Variants in ARID1B observed in about 807,000 individuals in gnomAD.
ARID1B encodes AT-rich interaction domain 1B.
In ARID1B, 30 loss-of-function variants were observed where a neutral mutation model predicts 212.3. The ratio of observed to expected loss-of-function variants is 0.14; its 90% confidence interval spans 0.11 to 0.19. The LOEUF is 0.19. Ranked by LOEUF, ARID1B falls within the 10% of genes least tolerant of loss-of-function variation. ARID1B has a pLI of 1.00. For missense variants in ARID1B, 2,891 were observed against 3,204.0 expected, an observed-to-expected ratio of 0.90 and a Z score of 2.36; for synonymous variants, 1,402 against 1,301.7, an observed-to-expected ratio of 1.08 and a Z score of -1.66.
At chr6:156,979,216 A>G (rs1777456837) in intron 4 of ARID1B, among the ~76,000 whole-genome samples, 1 of 152,202 alleles carries the variant, frequency 6.6e-6, no homozygotes, top group Non-Finnish European at 1.5e-5. Context: ...TGCAAAGAAT[A>G]TATATATTGT....
At chr6:157,199,220 T>C (rs1218262534) in intron 17 of ARID1B, among the ~76,000 whole-genome samples, 1 of 152,246 alleles carries the variant, frequency 6.6e-6, no homozygotes, top group Non-Finnish European at 1.5e-5. Context: ...CTATTGTGCA[T>C]ACTGTTGTAT....
chr6:157,156,679 C>T (rs564469238), intron 8 of ARID1B, among the ~76,000 whole-genome samples: 1 of 152,304 alleles, frequency 6.6e-6, no homozygotes, highest in East Asian at 1.9e-4. Flanking sequence ...CCGCTGTACA[C>T]CCTCACCCAG....
At position 157,193,782 on chromosome 6, in the gene ARID1B, C is replaced by G. The variant is rs374778461; in HGVS notation, c.4232-2383C>G. On this transcript the variant is annotated intron_variant, in intron 15 of 19. Transcript: ENST00000636930. ...TGCTTGCATCTCACTTGCTGGAGCC[C>G]TCTTAGGCAATGCTAATCACATGAC... 8.5e-5 allele frequency: 13 copies of G among 152,324 alleles called. 2 individuals carry two copies. Among genetic ancestry groups the G allele is most frequent in the African/African-American group, 3.1e-4 (13 of 41,566 alleles). 9.4% of individuals were successfully genotyped at this position (152,324 alleles called of 1,614,324 possible).
intron 3 of ARID1B, among the ~76,000 whole-genome samples, chr6:156,922,948 G>T (rs925613389): frequency 2.0e-5 from 3 of 152,184 alleles, no homozygotes; most frequent in Admixed American, 2.0e-4. Flanking sequence ...TCGTGTGCCG[G>T]AAGTAGTCTG....
intron 4 of ARID1B, 179 bp downstream of exon 4, chr6:156,935,755 G>A: frequency 3.6e-6 from 2 of 553,524 alleles, no homozygotes; most frequent in Non-Finnish European, 6.4e-6. Flanking sequence ...TCCTGGATAA[G>A]TCTATTTCAT....
At chr6:157,058,090 C>T (rs1783081488) in intron 4 of ARID1B, among the ~76,000 whole-genome samples, 1 of 152,174 alleles carries the variant, frequency 6.6e-6, no homozygotes, top group African/African-American at 2.4e-5. Flanking sequence ...ACCCAACTTC[C>T]ATGCACACCG....
At chr6:156,907,926 A>T (rs1789543225) in intron 3 of ARID1B, among the ~76,000 whole-genome samples, 1 of 149,634 alleles carries the variant, frequency 6.7e-6, no homozygotes, top group Non-Finnish European at 1.5e-5. Context: ...AAAAAAAAAG[A>T]ATTGAAGATG....
chr6:156,917,941 G>A (rs1293264142), intron 3 of ARID1B, among the ~76,000 whole-genome samples: 2 of 152,050 alleles, frequency 1.3e-5, no homozygotes, highest in East Asian at 3.9e-4. Context: ...ATTTTTAAAA[G>A]AGATGCCGTG....
chr6:156,897,252 C>CTTCTTCTTCTTT (rs1788528721), intron 2 of ARID1B, among the ~76,000 whole-genome samples: 3 of 96,828 alleles, frequency 3.1e-5, no homozygotes, highest in South Asian at 3.5e-4. Context: ...TCTTCTTCTT[C>CTTCTTCTTCTTT]TTCTTCTTCT....
rs554450391 is a variant in ARID1B, at chr6:156,828,222, T to C, written c.1792-1005T>C. ...GACTATAGGTGCCTGCCACCACGCC[T>C]GGCTAAGTTTTTAATTTGTTGTAGA... On this transcript the variant is annotated intron_variant, in intron 1 of 19. Transcript: ENST00000636930. Among the ~76,000 whole-genome samples, 6 of 152,178 alleles carry C rather than the reference T, an allele frequency of 3.9e-5. 1 individual carries two copies. The highest frequency in any genetic ancestry group is 1.4e-4 in the African/African-American group (6 of 41,498).
intron 11 of ARID1B, chr6:157,175,398 TG>T (rs1168199550): frequency 6.6e-6 from 1 of 152,424 alleles, no homozygotes; most frequent in East Asian, 1.9e-4. Flanking sequence ...ATTGACTGAA[TG>T]ATAAGTTTGG....
In ARID1B at chr6:157,207,536, T is replaced by C; in HGVS notation, c.6764T>C (p.Met2255Thr). The change falls in exon 20 of 20, where the codon ATG (methionine) becomes ACG (threonine). Residue 2255 changes from methionine to threonine, a missense_variant. Physicochemically the swap from Met to Thr is moderately conservative, Grantham distance 81. Transcript: ENST00000636930. The surrounding 1 kb of genome is among the most constrained non-coding windows in gnomAD (Gnocchi z 8.5). Reference protein sequence around the residue: ...RKNPVCREMSMALLSNLAQGD... With the variant: ...RKNPVCREMSTALLSNLAQGD... ...AACCCAGTCTGTCGAGAAATGTCCA[T>C]GGCGCTTTTATCGAACCTTGCCCAA... is the stretch of plus-strand genomic sequence containing the variant. 1.1e-5 allele frequency: 18 copies of C among 1,614,164 alleles called. No individual in the cohort carries two copies. The highest frequency in any genetic ancestry group is 1.5e-5 in the Non-Finnish European group (18 of 1,180,026).
chr6:157,002,831 A>T (rs1256158064), intron 4 of ARID1B, among the ~76,000 whole-genome samples: 3 of 152,238 alleles, frequency 2.0e-5, no homozygotes. Flanking sequence ...ATGCAAATTG[A>T]TAGACAGGAT....
chr6:156,933,834 T>TA (rs1166405049), intron 3 of ARID1B, among the ~76,000 whole-genome samples: 36 of 152,296 alleles, frequency 2.4e-4, no homozygotes, highest in African/African-American at 8.7e-4. Context: ...AAGCTGGAAT[T>TA]ATTGGCACGC....
rs567324160 is a variant in ARID1B at position 157,055,719 on chromosome 6, A to G, written c.2248-28943A>G. Among the ~76,000 whole-genome samples, 211 of 152,304 alleles carry G rather than the reference A, an allele frequency of 1.4e-3. 1 individual carries two copies. The highest frequency in any genetic ancestry group is 2.2e-3 in the Admixed American group (33 of 15,290). On this transcript the variant is annotated intron_variant, in intron 4 of 19. Transcript: ENST00000636930. ...CACAATTTCTGTAGCCAAGAGTCCA[A>G]TAACTGGGTCCTCTACTCAGGATCT...
At position 157,010,317 on chromosome 6, in the gene ARID1B, GTTTTGGT is replaced by G. The variant is rs1779515815; in HGVS notation, c.2248-74342_2248-74336del. Among the ~76,000 whole-genome samples the G allele has an allele frequency of 6.7e-5, 6 of 89,506 alleles. No homozygotes were observed. The South Asian group carries it at 1.1e-3, about 17-fold the overall frequency. 58.7% of individuals were successfully genotyped at this position (89,506 alleles called of 152,430 possible). The stretch of plus-strand genomic sequence containing the variant: ...TTTTTTTTTTTTTGTTGTTGTTGTT[GTTTTGGT>G]TTGTTTTGGTTTGGTTTTGAGATGG... On this transcript the variant is annotated intron_variant, in intron 4 of 19. Transcript: ENST00000636930.
At chr6:156,852,265 T>C (rs1784626762) in intron 2 of ARID1B, among the ~76,000 whole-genome samples, 1 of 151,748 alleles carries the variant, frequency 6.6e-6, no homozygotes, top group African/African-American at 2.4e-5. Flanking sequence ...CTGGGCAGCA[T>C]AACGAAACCT....
rs1208883079 is a variant in ARID1B at position 157,018,212 on chromosome 6, C to CTTTTTTTTTTTTTTTTTT, written c.2248-66445_2248-66428dup. 1.5e-4 allele frequency among the ~76,000 whole-genome samples: 11 copies of CTTTTTTTTTTTTTTTTTT among 72,458 alleles called. 2 individuals carry two copies. Among genetic ancestry groups the CTTTTTTTTTTTTTTTTTT allele is most frequent in the African/African-American group, 7.1e-4 (11 of 15,450 alleles). 47.5% of individuals were successfully genotyped at this position (72,458 alleles called of 152,430 possible). ...GAATGTCTAAACAAAAAGTAGTATG[C>CTTTTTTTTTTTTTTTTTT]TTTTTTTTTTTTTTTTTTTTTTGAG... On this transcript the variant is annotated intron_variant, in intron 4 of 19. Transcript: ENST00000636930.
intron 6 of ARID1B, among the ~76,000 whole-genome samples, chr6:157,115,095 A>T (rs979309059): frequency 6.6e-6 from 1 of 152,232 alleles, no homozygotes; most frequent in Non-Finnish European, 1.5e-5. Context: ...GTAAACCTGC[A>T]GTCCCCGTCC....
Sources: gnomAD v4.1 joint callset for allele counts (sites outside exome capture counted in the v4.1 genomes callset) on GRCh38, gnomAD v4.1.1 for gene constraint, Gnocchi (gnomAD v3.1) non-coding constraint, MANE v1.5 for transcripts, NCBI Gene and HGNC (gene_info 2026-07-23, HGNC 2026-07-21) for gene names.